The following OR4M1 variants were observed in gnomAD, a reference collection of about 807,000 sequenced individuals.
The protein encoded by OR4M1 is olfactory receptor family 4 subfamily M member 1, also known as olfactory receptor 4M1.
OR4M1 carries 7 observed loss-of-function variants against 9.8 expected under a neutral mutation model. That is an observed-to-expected ratio of 0.71 (90% CI 0.41 to 1.34). The LOEUF (loss-of-function observed/expected upper bound fraction) is 1.34, where lower values mean the gene tolerates loss of function less well. OR4M1 is among the 40% of genes most tolerant of loss of function. The pLI, the probability that OR4M1 is intolerant of heterozygous loss-of-function variation, is 0.01. For synonymous variants in OR4M1, 121 were observed against 139.8 expected (o/e 0.87, Z 0.95); for missense variants, 331 against 380.4 (o/e 0.87, Z 1.08).
In OR4M1 at chr14:19,780,416, C is replaced by A. The variant is rs1413835479; in HGVS notation, c.94C>A (p.Leu32Ile). 1 of 1,614,142 alleles carries A rather than the reference C, an allele frequency of 6.2e-7. No individual in the cohort carries two copies. The highest frequency in any genetic ancestry group is 8.5e-7 in the Non-Finnish European group (1 of 1,179,986). The stretch of plus-strand genomic sequence containing the variant: ...CCAACTAGTCCTATTTGTTATATTT[C>A]TATCCTTCTATTTGTTCATCCTACC... Reference protein sequence around the residue: ...EVQLVLFVIFLSFYLFILPGN... With the variant: ...EVQLVLFVIFISFYLFILPGN... Residue 32 changes from leucine (L) to isoleucine (I), a missense_variant, in exon 2 of 2, where the codon CTA (leucine) becomes ATA (isoleucine). Leu to Ile is a conservative substitution (Grantham distance 5, BLOSUM62 2). This residue lies in a region of OR4M1 where 209 missense variants were observed against 200.0 expected (regional missense o/e 1.04). Coordinates refer to ENST00000641200, the MANE Select transcript of OR4M1 (RefSeq NM_001005500.2).
intron 1 of OR4M1, among the ~76,000 whole-genome samples, chr14:19,779,122 A>G (rs931604170): frequency 2.6e-5 from 4 of 152,214 alleles, no homozygotes; most frequent in African/African-American, 4.8e-5. Context: ...AAAATTATGT[A>G]TAAATTGAGT....
In OR4M1 at chr14:19,780,610, A is replaced by T. The variant is rs376217380; in HGVS notation, c.288A>T (p.Gly96=). 2.2e-5 allele frequency: 36 copies of T among 1,614,200 alleles called. No individual in the cohort carries two copies. The highest frequency in any genetic ancestry group is 3.1e-5 in the Non-Finnish European group (36 of 1,180,030). Residue 96 remains glycine (G), a synonymous_variant, in exon 2 of 2, where the codon GGA becomes GGT. Coordinates refer to ENST00000641200, the MANE Select transcript of OR4M1 (RefSeq NM_001005500.2). Reference sequence around the variant, plus strand: ...AGAGGAAGATAATTTCCTTTGGTGGATGCATTGCACAGCTCTTCTTCTTAC... The same window carrying T: ...AGAGGAAGATAATTTCCTTTGGTGGTTGCATTGCACAGCTCTTCTTCTTAC... ...FVERKIISFG[G]CIAQLFFLHF... is the part of the protein sequence containing the mutation.
chr14:19,777,574 G>T (rs1878349936), intron 1 of OR4M1, among the ~76,000 whole-genome samples: 1 of 152,112 alleles, frequency 6.6e-6, no homozygotes, highest in Non-Finnish European at 1.5e-5. Flanking sequence ...ATGGAAGTTT[G>T]ATGAGGCAGA....
chr14:19,776,648 A>T (rs1431599722), intron 1 of OR4M1, among the ~76,000 whole-genome samples: 5 of 152,176 alleles, frequency 3.3e-5, no homozygotes, highest in African/African-American at 4.8e-5. Flanking sequence ...GCCCTAAGTC[A>T]ATCTTCATGA....
intron 1 of OR4M1, among the ~76,000 whole-genome samples, 179 bp downstream of exon 1, chr14:19,773,772 G>A (rs1878234202): frequency 6.6e-6 from 1 of 152,080 alleles, no homozygotes; most frequent in African/African-American, 2.4e-5. Context: ...GGTCATAGCT[G>A]TAGAGTGGGT....
chr14:19,777,068 G>A (rs1878338280), intron 1 of OR4M1, among the ~76,000 whole-genome samples: 1 of 90,932 alleles, frequency 1.1e-5, no homozygotes, highest in East Asian at 3.2e-4. Flanking sequence ...TGTTTTTCCT[G>A]TAATGTTGTC....
At position 19,781,386 on chromosome 14, in the gene OR4M1, T is replaced by C; in HGVS notation, c.*122T>C. 2.1e-6 allele frequency: 2 copies of C among 951,412 alleles called. No homozygotes were observed. The highest frequency in any genetic ancestry group is 3.9e-5 in the South Asian group (2 of 50,790). 58.9% of individuals were successfully genotyped at this position (951,412 alleles called of 1,614,324 possible). The stretch of plus-strand genomic sequence containing the variant: ...TTGTGTTCTTAAAATTTTACTATAA[T>C]TTTTCTCTATTAATTCCTCTTTATA... On this transcript the variant is annotated 3_prime_UTR_variant, in exon 2 of 2. Coordinates refer to ENST00000641200, the MANE Select transcript of OR4M1 (RefSeq NM_001005500.2).
rs1878557571 is a variant in OR4M1, at chr14:19,783,275, G to T, written c.*2011G>T. 6.6e-6 allele frequency: 1 copy of T among 152,442 alleles called. No individual in the cohort carries two copies. Among genetic ancestry groups the T allele is most frequent in the African/African-American group, 2.4e-5 (1 of 41,470 alleles). 9.4% of individuals were successfully genotyped at this position (152,442 alleles called of 1,614,324 possible). On this transcript the variant is annotated 3_prime_UTR_variant, in exon 2 of 2. Coordinates refer to ENST00000641200, the MANE Select transcript of OR4M1 (RefSeq NM_001005500.2). ...GGACTGAGAGCAATTTCACCCCTTG[G>T]AGGACATTTGGAAGTGCCCAGAGAC... is the stretch of plus-strand genomic sequence containing the variant.
chr14:19,780,496 T>C lies in OR4M1; in HGVS notation c.174T>C (p.Pro58=), dbSNP rs1284884938. ...TIRLDPHLTS[P]MYFLLANLAL... ...GGCTAGACCCTCATCTGACTTCTCC[T>C]ATGTATTTCCTGTTGGCTAATCTGG... Residue 58 remains proline, a synonymous_variant, in exon 2 of 2, where the codon CCT becomes CCC. Transcript: ENST00000641200. 1.2e-6 allele frequency: 2 copies of C among 1,614,230 alleles called. No homozygotes were observed. The highest frequency in any genetic ancestry group is 1.3e-5 in the African/African-American group (1 of 75,072).
At chr14:19,773,886 G>A (rs1289121801) in intron 1 of OR4M1, among the ~76,000 whole-genome samples, 2 of 152,214 alleles carry the variant, frequency 1.3e-5, no homozygotes, top group Non-Finnish European at 2.9e-5. Context: ...TATACTCATA[G>A]GATGAATCAT....
intron 1 of OR4M1, among the ~76,000 whole-genome samples, chr14:19,777,255 C>G (rs1191390717): frequency 6.6e-6 from 1 of 150,726 alleles, no homozygotes; most frequent in Non-Finnish European, 1.5e-5. Context: ...TCTTATGCTT[C>G]TACTAGTTGT....
chr14:19,776,746 G>A (rs1878319626), intron 1 of OR4M1, among the ~76,000 whole-genome samples: 1 of 152,232 alleles, frequency 6.6e-6, no homozygotes, highest in Non-Finnish European at 1.5e-5. Context: ...GGGTGTTACA[G>A]TGCATACCCA....
intron 1 of OR4M1, among the ~76,000 whole-genome samples, chr14:19,777,988 A>C (rs1332462600): frequency 2.0e-5 from 3 of 152,126 alleles, no homozygotes; most frequent in Non-Finnish European, 4.4e-5. Flanking sequence ...CCAGCAAAAT[A>C]TTTCTTTTCC....
chr14:19,780,559 T>TA lies in OR4M1; in HGVS notation c.241dup (p.Met81AsnfsTer41). 1 of 1,614,236 alleles carries TA rather than the reference T, an allele frequency of 6.2e-7. No homozygotes were observed. Among genetic ancestry groups the TA allele is most frequent in the Non-Finnish European group, 8.5e-7 (1 of 1,180,030 alleles). ...TTTGGTACTCTTCCATTACAGCCCC[T>TA]AAAATGCTCATAGACTTCTTTGTGG... On this transcript the variant is annotated frameshift_variant, in exon 2 of 2. Coordinates refer to ENST00000641200, the MANE Select transcript of OR4M1 (RefSeq NM_001005500.2). LOFTEE classifies it high-confidence loss of function.
At position 19,782,297 on chromosome 14, in the gene OR4M1, C is replaced by G. The variant is rs1878524638; in HGVS notation, c.*1033C>G. The stretch of plus-strand genomic sequence containing the variant: ...TTTTCAAGCACTAAAAACTCACTCT[C>G]CAAGCTTCTGAATGTAAGAGGTAGA... On this transcript the variant is annotated 3_prime_UTR_variant, in exon 2 of 2. Transcript: ENST00000641200. 6.6e-6 allele frequency: 1 copy of G among 152,170 alleles called. No individual in the cohort carries two copies. The highest frequency in any genetic ancestry group is 1.5e-5 in the Non-Finnish European group (1 of 68,030). The allele number at this position is 152,170 out of a possible 1,614,324, so 9.4% of individuals were successfully genotyped here. A position where few individuals can be genotyped will look rare whatever the true frequency, so the allele number is the denominator to read the frequency against.
intron 1 of OR4M1, among the ~76,000 whole-genome samples, chr14:19,776,531 G>C (rs942906303): frequency 6.6e-5 from 10 of 152,322 alleles, no homozygotes; most frequent in African/African-American, 2.4e-4. Context: ...GTGGGTGGAT[G>C]TAAGACGAAG....
rs760267821 is a variant in OR4M1, at chr14:19,780,771, T to TG, written c.455dup (p.Phe153LeufsTer21). 5.6e-6 allele frequency: 9 copies of TG among 1,614,222 alleles called. No individual in the cohort carries two copies. The highest frequency in any genetic ancestry group is 7.6e-6 in the Non-Finnish European group (9 of 1,180,026). On this transcript the variant is annotated frameshift_variant, in exon 2 of 2. Transcript: ENST00000641200. LOFTEE classifies it high-confidence loss of function. ...TGTATCCTGGTGGCTCTCTCCTGGA[T>TG]GGGGGGCTTCATTCATTCTATAATA...
chr14:19,775,563 T>C (rs1158034648), intron 1 of OR4M1, among the ~76,000 whole-genome samples: 1 of 147,448 alleles, frequency 6.8e-6, no homozygotes, highest in African/African-American at 2.5e-5. Context: ...TATATTATAA[T>C]ATATAAATAT....
At chr14:19,779,455 T>C (rs1028923026) in intron 1 of OR4M1, among the ~76,000 whole-genome samples, 5 of 152,258 alleles carry the variant, frequency 3.3e-5, no homozygotes, top group Non-Finnish European at 7.3e-5. Flanking sequence ...TTTGTTCTAC[T>C]TAGTGGTGTC....
Sources: allele counts gnomAD v4.1 joint callset (sites outside exome capture counted in the v4.1 genomes callset), GRCh38; gene constraint gnomAD v4.1.1; regional missense constraint gnomAD v4.1.1; transcripts MANE v1.5; gene names NCBI Gene and HGNC (gene_info 2026-07-23, HGNC 2026-07-21).